Variants in MLLT3 observed in about 807,000 individuals in gnomAD.
MLLT3 encodes the protein MLLT3 super elongation complex subunit.
In MLLT3, 4 loss-of-function variants were observed where a neutral mutation model predicts 53.2. That is an observed-to-expected ratio of 0.08 (90% CI 0.04 to 0.17). MLLT3 has a LOEUF of 0.17. Ranked by LOEUF, MLLT3 falls within the 10% of genes least tolerant of loss-of-function variation. The pLI, the probability that MLLT3 is intolerant of heterozygous loss-of-function variation, is 1.00. For missense variants in MLLT3, 569 were observed against 684.0 expected, an observed-to-expected ratio of 0.83 and a Z score of 1.87; for synonymous variants, 283 against 230.6, an observed-to-expected ratio of 1.23 and a Z score of -2.06.
intron 2 of MLLT3, among the ~76,000 whole-genome samples, chr9:20,599,218 C>G (rs1395245801): frequency 6.6e-6 from 1 of 151,266 alleles, no homozygotes; most frequent in Non-Finnish European, 1.5e-5. Flanking sequence ...ACAGGAGAAT[C>G]ACTTGAACCA....
chr9:20,552,932 C>T (rs1390608456), intron 2 of MLLT3, among the ~76,000 whole-genome samples: 1 of 151,992 alleles, frequency 6.6e-6, no homozygotes, highest in Non-Finnish European at 1.5e-5. Context: ...CAAAAAGTTG[C>T]AAGGTAAAAA....
rs1820843126 is a variant in MLLT3 at position 20,345,494 on chromosome 9, T to C, written c.*949A>G. ...TTTTTTTTAGAAAACAGGACCAGAATTCTTTTTTTTTAAATGATGATCCTG... is the reference window on the plus strand; with the variant it reads ...TTTTTTTTAGAAAACAGGACCAGAACTCTTTTTTTTTAAATGATGATCCTG... On this transcript the variant is annotated 3_prime_UTR_variant, in exon 11 of 11. Transcript: ENST00000380338. 1 of 202,620 alleles carries C rather than the reference T, an allele frequency of 4.9e-6. No homozygotes were observed. Among genetic ancestry groups the C allele is most frequent in the South Asian group, 1.9e-4 (1 of 5,230 alleles). The allele number at this position is 202,620 out of a possible 1,614,324, so 12.6% of individuals were successfully genotyped here.
At chr9:20,349,197 G>A (rs1259994939) in intron 10 of MLLT3, among the ~76,000 whole-genome samples, 4 of 152,160 alleles carry the variant, frequency 2.6e-5, no homozygotes, top group Non-Finnish European at 4.4e-5. Context: ...AATGGTATTA[G>A]ACAGAACATC....
At chr9:20,560,879 G>A (rs566651497) in intron 2 of MLLT3, among the ~76,000 whole-genome samples, 2 of 152,146 alleles carry the variant, frequency 1.3e-5, no homozygotes, top group Admixed American at 6.5e-5. Flanking sequence ...AATTTGGGGT[G>A]TCATCACCTT....
In MLLT3 at chr9:20,465,793, T is replaced by A. The variant is rs1212555867; in HGVS notation, c.194-9007A>T. On this transcript the variant is annotated intron_variant, in intron 2 of 10. Transcript: ENST00000380338. Reference sequence around the variant, plus strand: ...TGGCATTTGGCATAGTGGTAGCCTATCCTAAATATCCTAATTGATTTAAAC... The same window carrying A: ...TGGCATTTGGCATAGTGGTAGCCTAACCTAAATATCCTAATTGATTTAAAC... Among the ~76,000 whole-genome samples the A allele has an allele frequency of 3.3e-5, 5 of 152,266 alleles. No homozygotes were observed. The East Asian group carries it at 9.6e-4, about 29-fold the overall frequency.
chr9:20,410,292 T>G (rs867385202), intron 5 of MLLT3, among the ~76,000 whole-genome samples: 2 of 152,164 alleles, frequency 1.3e-5, no homozygotes, highest in Non-Finnish European at 2.9e-5. Context: ...AGCTACAGGT[T>G]ATATAGGTAC....
At chr9:20,405,000 C>T (rs1822545419) in intron 5 of MLLT3, among the ~76,000 whole-genome samples, 1 of 152,048 alleles carries the variant, frequency 6.6e-6, no homozygotes, top group African/African-American at 2.4e-5. Context: ...CTGACATAAT[C>T]CACCCGGAGA....
At chr9:20,561,962 G>A (rs538268943) in intron 2 of MLLT3, among the ~76,000 whole-genome samples, 1 of 152,150 alleles carries the variant, frequency 6.6e-6, no homozygotes, top group Non-Finnish European at 1.5e-5. Flanking sequence ...GGGGGGCAGA[G>A]ATTAGGGAAC....
chr9:20,622,303 C>G lies in MLLT3; in HGVS notation c.-47G>C, dbSNP rs779758796. The G allele has an allele frequency of 6.7e-6, 10 of 1,495,112 alleles. No homozygotes were observed. The Admixed American group carries it at 8.5e-5, about 13-fold the overall frequency. 92.6% of individuals were successfully genotyped at this position (1,495,112 alleles called of 1,614,324 possible). ...CTGGGGTGTTGTGTGGTACCCCCCC[C>G]TCCTCCGCCCCCCCTCAGCTGTAAT... On this transcript the variant is annotated 5_prime_UTR_variant, in exon 1 of 11. Transcript: ENST00000380338.
chr9:20,387,832 C>T (rs1253426106), intron 5 of MLLT3, among the ~76,000 whole-genome samples: 2 of 152,172 alleles, frequency 1.3e-5, no homozygotes, highest in African/African-American at 2.4e-5. Context: ...AAAGGTCACT[C>T]GTTTAGCAAA....
chr9:20,529,266 T>G (rs1818271199), intron 2 of MLLT3, among the ~76,000 whole-genome samples: 1 of 152,216 alleles, frequency 6.6e-6, no homozygotes, highest in Non-Finnish European at 1.5e-5. Flanking sequence ...GATGGAGACC[T>G]TAATTATACA....
At chr9:20,538,785 C>G (rs1405239423) in intron 2 of MLLT3, among the ~76,000 whole-genome samples, 1 of 152,106 alleles carries the variant, frequency 6.6e-6, no homozygotes, top group African/African-American at 2.4e-5. Flanking sequence ...ACAGGCATAC[C>G]TCAGAGATAT....
intron 2 of MLLT3, among the ~76,000 whole-genome samples, chr9:20,508,700 A>G (rs781051983): frequency 1.3e-5 from 2 of 152,222 alleles, no homozygotes; most frequent in South Asian, 2.1e-4. Flanking sequence ...TTCATAAAAA[A>G]AAGTTTTAAA....
chr9:20,599,369 C>A, intron 2 of MLLT3, among the ~76,000 whole-genome samples: 1 of 145,494 alleles, frequency 6.9e-6, no homozygotes. Flanking sequence ...TTTATAAATA[C>A]AATCCTAAGA....
Position 20,448,092 on chromosome 9 carries a change from G to T in MLLT3, c.420+31C>A. On this transcript the variant is annotated intron_variant, in intron 4 of 10. Transcript: ENST00000380338. The surrounding 1 kb of genome is among the most constrained non-coding windows in gnomAD (Gnocchi z 4.0). ...TTTTTGTTGTTGTTGTTTTTTAATA[G>T]GAATGCTTTTCACAAGAGAGTGCCA... 1 of 1,577,734 alleles carries T rather than the reference G, an allele frequency of 6.3e-7. No homozygotes were observed. Among genetic ancestry groups the T allele is most frequent in the Non-Finnish European group, 8.6e-7 (1 of 1,164,656 alleles).
intron 2 of MLLT3, among the ~76,000 whole-genome samples, chr9:20,570,649 T>C (rs911920247): frequency 1.3e-5 from 2 of 152,212 alleles, no homozygotes; most frequent in African/African-American, 2.4e-5. Context: ...ACCAAACATT[T>C]AAGCAAAATC....
chr9:20,567,490 A>T (rs1371549965), intron 2 of MLLT3, among the ~76,000 whole-genome samples: 1 of 152,150 alleles, frequency 6.6e-6, no homozygotes, highest in Non-Finnish European at 1.5e-5. Context: ...AAACTCTTCT[A>T]TGTCAAACTC....
In MLLT3 at chr9:20,621,611, C is replaced by A. The variant is rs1175314867; in HGVS notation, c.12+634G>T. ...GTGGCTCCAAAGTATCTCCCACCTC[C>A]CCCCAAAAAATGAAATTCAGAAAGG... On this transcript the variant is annotated intron_variant, in intron 1 of 10. Coordinates refer to ENST00000380338, the MANE Select transcript of MLLT3 (RefSeq NM_004529.4). This position sits in a 1 kb window ranked among gnomAD's most constrained non-coding sequence, Gnocchi z 7.0. Among the ~76,000 whole-genome samples, 3 of 152,156 alleles carry A rather than the reference C, an allele frequency of 2.0e-5. No individual in the cohort carries two copies. Among genetic ancestry groups the A allele is most frequent in the Non-Finnish European group, 2.9e-5 (2 of 68,014 alleles).
At chr9:20,609,547 G>A (rs1182109019) in intron 2 of MLLT3, among the ~76,000 whole-genome samples, 2 of 152,016 alleles carry the variant, frequency 1.3e-5, no homozygotes, top group South Asian at 2.1e-4. Context: ...TCTATTTTAT[G>A]TAAAAGACAA....
Sources: gnomAD v4.1 joint callset for allele counts (sites outside exome capture counted in the v4.1 genomes callset) on GRCh38, gnomAD v4.1.1 for gene constraint, Gnocchi (gnomAD v3.1) non-coding constraint, MANE v1.5 for transcripts, NCBI Gene and HGNC (gene_info 2026-07-23, HGNC 2026-07-21) for gene names.